The following PDK1 variants were observed in gnomAD, a reference collection of about 807,000 sequenced individuals.
The protein encoded by PDK1 is [Pyruvate dehydrogenase (acetyl-transferring)] kinase isozyme 1, mitochondrial.
In PDK1, 39 loss-of-function variants were observed where a neutral mutation model predicts 54.2. The ratio of observed to expected loss-of-function variants is 0.72; its 90% CI spans 0.56 to 0.94. PDK1 has a LOEUF of 0.94. PDK1 is among the 40% of genes least tolerant of loss of function. The pLI, the probability that PDK1 is intolerant of heterozygous loss-of-function variation, is 0.00. For synonymous variants in PDK1, 221 were observed against 207.1 expected (o/e 1.07, Z -0.58); for missense variants, 552 against 566.0 (o/e 0.98, Z 0.25).
At chr2:172,658,286 G>T in the PDK1 span, among the ~76,000 whole-genome samples, 2 of 152,142 alleles carry the variant, frequency 1.3e-5, no homozygotes, top group Non-Finnish European at 2.9e-5. Context: ...AAATTGTGAA[G>T]ATTTCATGGA....
the PDK1 span, among the ~76,000 whole-genome samples, chr2:172,616,214 C>T: frequency 6.6e-6 from 1 of 152,112 alleles, no homozygotes; most frequent in Non-Finnish European, 1.5e-5. Flanking sequence ...TAAAGTTATA[C>T]ATTGAAATAA....
the PDK1 span, among the ~76,000 whole-genome samples, chr2:172,720,959 A>G: frequency 5.9e-5 from 9 of 152,206 alleles, no homozygotes; most frequent in East Asian, 1.7e-3. Flanking sequence ...ATGAGCACCA[A>G]ATGGAAATCT....
the PDK1 span, among the ~76,000 whole-genome samples, chr2:172,637,726 C>A: frequency 6.6e-6 from 1 of 152,104 alleles, no homozygotes; most frequent in African/African-American, 2.4e-5. Flanking sequence ...GATGGAGTCT[C>A]GCTCTGTCGT....
At chr2:172,695,021 G>C in the PDK1 span, among the ~76,000 whole-genome samples, 3 of 152,092 alleles carry the variant, frequency 2.0e-5, no homozygotes, top group Non-Finnish European at 4.4e-5. Flanking sequence ...GGGAGGCTGA[G>C]GTGGGAGAAT....
chr2:172,566,241 A>G (rs1688932539), intron 5 of PDK1, among the ~76,000 whole-genome samples: 1 of 151,976 alleles, frequency 6.6e-6, no homozygotes, highest in Admixed American at 6.6e-5. Flanking sequence ...ATGGCTATTC[A>G]GCTTTGTCAT....
chr2:172,634,547 C>A, the PDK1 span, among the ~76,000 whole-genome samples: 108,746 of 151,604 alleles, frequency 0.72, 39,357 homozygotes, highest in Non-Finnish European at 0.77. Flanking sequence ...TGCTGGGATG[C>A]CAGGCGTGAG....
intron 8 of PDK1, among the ~76,000 whole-genome samples, chr2:172,571,988 C>A (rs530003350): frequency 1.3e-5 from 2 of 151,856 alleles, no homozygotes; most frequent in Non-Finnish European, 2.9e-5. Context: ...CCCGCCACCA[C>A]GCCTAGCTAA....
downstream of PDK1, among the ~76,000 whole-genome samples, chr2:172,608,895 T>G (rs1008460169): frequency 1.3e-5 from 2 of 152,214 alleles, no homozygotes; most frequent in African/African-American, 2.4e-5. Flanking sequence ...CCCTGTCATT[T>G]AACAGCCACT....
chr2:172,571,804 G>T (rs1689272866), intron 8 of PDK1, among the ~76,000 whole-genome samples: 2 of 142,146 alleles, frequency 1.4e-5, no homozygotes, highest in African/African-American at 2.7e-5. Flanking sequence ...ATTACTCAGA[G>T]ATTCTTAGTC....
chr2:172,632,075 A>G, the PDK1 span, among the ~76,000 whole-genome samples: 2 of 152,096 alleles, frequency 1.3e-5, no homozygotes, highest in Non-Finnish European at 2.9e-5. Flanking sequence ...AAGGAGTTCA[A>G]GACCAGCCTG....
chr2:172,690,647 T>C, the PDK1 span, among the ~76,000 whole-genome samples: 1 of 150,144 alleles, frequency 6.7e-6, no homozygotes, highest in Non-Finnish European at 1.5e-5. Flanking sequence ...GTGGCACATA[T>C]ACACCATGGA....
At chr2:172,718,020 C>A in the PDK1 span, among the ~76,000 whole-genome samples, 1 of 152,124 alleles carries the variant, frequency 6.6e-6, no homozygotes, top group Admixed American at 6.5e-5. Flanking sequence ...TCCTGCTTTT[C>A]CTGGGGAAGG....
At chr2:172,586,221 T>A in intron 8 of PDK1, 57 bp from the exon 9 acceptor site, 1 of 987,480 alleles carries the variant, frequency 1.0e-6, no homozygotes, top group Non-Finnish European at 1.6e-6. Flanking sequence ...GAGTATGTGT[T>A]GATATTTTGC....
At chr2:172,721,316 A>G in the PDK1 span, among the ~76,000 whole-genome samples, 1 of 152,188 alleles carries the variant, frequency 6.6e-6, no homozygotes, top group African/African-American at 2.4e-5. Context: ...TCTACATCCT[A>G]GGTAGAAGTA....
chr2:172,676,651 G>A, the PDK1 span, among the ~76,000 whole-genome samples: 1 of 152,306 alleles, frequency 6.6e-6, no homozygotes, highest in South Asian at 2.1e-4. Context: ...TTACTCCTGA[G>A]GAAGATGCTG....
chr2:172,638,296 A>C, the PDK1 span, among the ~76,000 whole-genome samples: 1 of 152,332 alleles, frequency 6.6e-6, no homozygotes, highest in South Asian at 2.1e-4. Context: ...ACAAAGCCAA[A>C]AATAAACAAG....
the PDK1 span, among the ~76,000 whole-genome samples, chr2:172,697,413 C>A: frequency 6.6e-6 from 1 of 152,168 alleles, no homozygotes; most frequent in Non-Finnish European, 1.5e-5. Flanking sequence ...CTTTATCAAG[C>A]CTCTGACATT....
chr2:172,563,655 G>A (rs1426234380), intron 3 of PDK1, among the ~76,000 whole-genome samples: 1 of 152,146 alleles, frequency 6.6e-6, no homozygotes, highest in Non-Finnish European at 1.5e-5. Flanking sequence ...CCAACATGGA[G>A]AAACCCTGTC....
chr2:172,658,449 CAT>C, the PDK1 span, among the ~76,000 whole-genome samples: 19 of 152,244 alleles, frequency 1.2e-4, no homozygotes, highest in African/African-American at 1.7e-4. Context: ...GATTGTAAAA[CAT>C]GTGTGTTTGA....
Sources: gnomAD v4.1 joint callset for allele counts (sites outside exome capture counted in the v4.1 genomes callset) on GRCh38, gnomAD v4.1.1 for gene constraint, MANE v1.5 for transcripts, NCBI Gene and HGNC (gene_info 2026-07-23, HGNC 2026-07-21) for gene names.